NFIB: variants seen among roughly 807,000 people sequenced by gnomAD.
The protein encoded by NFIB is nuclear factor I B.
NFIB carries 11 observed loss-of-function variants against 61.5 expected under a neutral mutation model. The observed-to-expected ratio is 0.18, with a 90% CI of 0.11 to 0.30. The LOEUF (loss-of-function observed/expected upper bound fraction) is 0.30, where lower values mean the gene tolerates loss of function less well. NFIB is among the 10% of genes least tolerant of loss of function. The pLI is 1.00. For missense variants in NFIB, 471 were observed against 608.9 expected, an observed-to-expected ratio of 0.77 and a Z score of 2.38; for synonymous variants, 260 against 216.5, an observed-to-expected ratio of 1.20 and a Z score of -1.76.
At chr9:14,145,835 G>T (rs996302416) in intron 6 of NFIB, among the ~76,000 whole-genome samples, 10 of 150,090 alleles carry the variant, frequency 6.7e-5, no homozygotes, top group African/African-American at 2.0e-4. Context: ...TTTTTTTTTT[G>T]TAGAGATGGG....
chr9:14,523,322 ATC>A, the NFIB span, among the ~76,000 whole-genome samples: 1 of 152,018 alleles, frequency 6.6e-6, no homozygotes, highest in Non-Finnish European at 1.5e-5. Context: ...AACTTTAAAT[ATC>A]TCTTTCTCAA....
intron 10 of NFIB, among the ~76,000 whole-genome samples, chr9:14,100,708 C>G (rs911407355): frequency 6.6e-6 from 1 of 152,166 alleles, no homozygotes; most frequent in Non-Finnish European, 1.5e-5. Flanking sequence ...AGCGAGACTC[C>G]GTCTCAAAAC....
At position 14,166,843 on chromosome 9, in the gene NFIB, C is replaced by T. The variant is rs142001637; in HGVS notation, c.617-10950G>A. Among the ~76,000 whole-genome samples, 810 of 152,272 alleles carry T rather than the reference C, an allele frequency of 5.3e-3. 19 individuals carry two copies. Among genetic ancestry groups the T allele is most frequent in the Admixed American group, 0.042 (646 of 15,284 alleles). On this transcript the variant is annotated intron_variant, in intron 3 of 10. Coordinates refer to ENST00000380953, the MANE Select transcript of NFIB (RefSeq NM_001190737.2). Reference sequence around the variant, plus strand: ...TCTTACTCCTCCGATGCAATTTTAACGCTATGAAAGCAATTTAGTTTTTCT... The same window carrying T: ...TCTTACTCCTCCGATGCAATTTTAATGCTATGAAAGCAATTTAGTTTTTCT...
At position 14,128,456 on chromosome 9, in the gene NFIB, G is replaced by A. The variant is rs569337424; in HGVS notation, c.926-2690C>T. ...CTCACGCCTGTAATCCCAACACTTT[G>A]GGAGGCTAAGGCGGGTGGATCGCCT... On this transcript the variant is annotated intron_variant, in intron 6 of 10. Transcript: ENST00000380953. 4.9e-3 allele frequency among the ~76,000 whole-genome samples: 748 copies of A among 152,170 alleles called. 7 individuals carry two copies. The highest frequency in any genetic ancestry group is 0.026 in the South Asian group (124 of 4,828).
At position 14,132,728 on chromosome 9, in the gene NFIB, G is replaced by A. The variant is rs536582020; in HGVS notation, c.926-6962C>T. 2.5e-3 allele frequency among the ~76,000 whole-genome samples: 384 copies of A among 152,042 alleles called. 5 individuals carry two copies. Among genetic ancestry groups the A allele is most frequent in the Non-Finnish European group, 4.1e-3 (281 of 67,986 alleles). ...GACTATGGGCACACGATCACACCCA[G>A]CTAATTTGTAAATTTTTAGTAGGGA... On this transcript the variant is annotated intron_variant, in intron 6 of 10. Transcript: ENST00000380953.
rs1054092083 is a variant in NFIB at position 14,089,242 on chromosome 9, C to T, written c.1468-916G>A. 3.3e-4 allele frequency among the ~76,000 whole-genome samples: 50 copies of T among 151,698 alleles called. 1 individual carries two copies. Among genetic ancestry groups the T allele is most frequent in the Non-Finnish European group, 7.2e-4 (49 of 67,964 alleles). On this transcript the variant is annotated intron_variant, in intron 10 of 10. Coordinates refer to ENST00000380953, the MANE Select transcript of NFIB (RefSeq NM_001190737.2). Reference sequence around the variant, plus strand: ...GATACCACATTTGAGCTGCTCTGCACTTGAGGAGTTTGGAGTGATAGATGG... The same window carrying T: ...GATACCACATTTGAGCTGCTCTGCATTTGAGGAGTTTGGAGTGATAGATGG...
At chr9:14,123,419 C>A (rs1353213823) in intron 7 of NFIB, among the ~76,000 whole-genome samples, 1 of 152,100 alleles carries the variant, frequency 6.6e-6, no homozygotes, top group African/African-American at 2.4e-5. Context: ...CCAAAACATC[C>A]TTTATAGTGC....
At chr9:14,146,568 C>A in intron 6 of NFIB, 121 bp downstream of exon 6, 1 of 1,353,066 alleles carries the variant, frequency 7.4e-7, no homozygotes, top group Non-Finnish European at 1.0e-6. Flanking sequence ...CTACAGGAAT[C>A]ATTTTATGAA....
At chr9:14,352,042 A>G (rs999661250) in intron 1 of NFIB, among the ~76,000 whole-genome samples, 3 of 152,214 alleles carry the variant, frequency 2.0e-5, no homozygotes, top group African/African-American at 7.2e-5. Flanking sequence ...TTGAGTGAGC[A>G]TCAACTGTGC....
chr9:14,263,063 C>T (rs1222273979), intron 2 of NFIB, among the ~76,000 whole-genome samples: 1 of 152,166 alleles, frequency 6.6e-6, no homozygotes, highest in Non-Finnish European at 1.5e-5. Context: ...CTGCGGCATG[C>T]ACATATCCTG....
At chr9:14,314,278 C>CCGG (rs979459373), upstream of NFIB, 8 of 481,254 alleles carry the variant, frequency 1.7e-5, no homozygotes, top group Admixed American at 1.9e-4. Flanking sequence ...CGCGTGGTCC[C>CCGG]CGGCAGCAGC....
At chr9:14,336,676 C>T (rs1441788978) in intron 1 of NFIB, among the ~76,000 whole-genome samples, 2 of 152,218 alleles carry the variant, frequency 1.3e-5, no homozygotes, top group African/African-American at 4.8e-5. Flanking sequence ...CGCAGTGGCC[C>T]AGAGCCTGTG....
intron 2 of NFIB, among the ~76,000 whole-genome samples, chr9:14,239,275 C>T (rs754085584): frequency 6.6e-5 from 10 of 152,146 alleles, no homozygotes; most frequent in Admixed American, 3.9e-4. Context: ...CACATAAATC[C>T]CATTAGGTCT....
At chr9:14,262,778 G>C (rs771324789) in intron 2 of NFIB, among the ~76,000 whole-genome samples, 17 of 151,904 alleles carry the variant, frequency 1.1e-4, no homozygotes, top group Non-Finnish European at 1.8e-4. Flanking sequence ...TTTGTTTTTT[G>C]TTTATTTGTT....
the NFIB span, among the ~76,000 whole-genome samples, chr9:14,466,636 G>C: frequency 2.0e-5 from 3 of 152,178 alleles, no homozygotes; most frequent in Admixed American, 2.0e-4. Flanking sequence ...AGTCCTACCA[G>C]CAAGGGGCCT....
chr9:14,315,150 G>C (rs902773482), upstream of NFIB, among the ~76,000 whole-genome samples: 7 of 151,806 alleles, frequency 4.6e-5, no homozygotes, highest in Non-Finnish European at 7.4e-5. Flanking sequence ...GCGTGGACCA[G>C]GGGGGTGCGG....
intron 2 of NFIB, among the ~76,000 whole-genome samples, chr9:14,236,231 T>C (rs1000509848): frequency 6.6e-6 from 1 of 152,236 alleles, no homozygotes; most frequent in African/African-American, 2.4e-5. Flanking sequence ...ATGTTGATTA[T>C]GGCTACTGCT....
chr9:14,370,241 G>A (rs1303885432), intron 1 of NFIB, among the ~76,000 whole-genome samples: 1 of 152,076 alleles, frequency 6.6e-6, no homozygotes, highest in Non-Finnish European at 1.5e-5. Context: ...GACAATTAAT[G>A]GCTCCCTCTT....
the NFIB span, among the ~76,000 whole-genome samples, chr9:14,453,145 G>A: frequency 6.6e-6 from 1 of 152,198 alleles, no homozygotes. Flanking sequence ...TGTATTTAAA[G>A]GACACTTGGT....
Sources: gnomAD v4.1 joint callset for allele counts (sites outside exome capture counted in the v4.1 genomes callset) on GRCh38, gnomAD v4.1.1 for gene constraint, MANE v1.5 for transcripts, NCBI Gene and HGNC (gene_info 2026-07-23, HGNC 2026-07-21) for gene names.